The following FGF13 variants were observed in gnomAD, a reference collection of about 807,000 sequenced individuals.
FGF13 encodes fibroblast growth factor homologous factor 2.
In FGF13, 2 loss-of-function variants were observed where a neutral mutation model predicts 19.5. That is an observed-to-expected ratio of 0.10 (90% CI 0.04 to 0.32). FGF13 has a LOEUF of 0.32. Ranked by LOEUF, FGF13 falls within the 10% of genes least tolerant of loss-of-function variation. The pLI is 1.00. For missense variants in FGF13, 113 were observed against 192.7 expected (o/e 0.59, Z 2.45); for synonymous variants, 72 against 76.9 (o/e 0.94, Z 0.33).
In FGF13 at chrX:138,625,474, A is replaced by G. The variant is rs2089050565; in HGVS notation, c.*7376T>C. 1 of 95,981 alleles carries G rather than the reference A, an allele frequency of 1.0e-5. No individual in the cohort carries two copies. Among genetic ancestry groups the G allele is most frequent in the Non-Finnish European group, 2.0e-5 (1 of 49,482 alleles). The allele number at this position is 95,981 out of a possible 1,213,427, so 7.9% of individuals were successfully genotyped here. On this transcript the variant is annotated 3_prime_UTR_variant, in exon 5 of 5. Coordinates refer to ENST00000315930, the MANE Select transcript of FGF13 (RefSeq NM_004114.5). Reference sequence around the variant, plus strand: ...GAAAGAAAATTATATATATATACATATATATATATAATATATATATATACA... The same window carrying G: ...GAAAGAAAATTATATATATATACATGTATATATATAATATATATATATACA...
rs140936203 is a variant in FGF13, at chrX:138,831,495, G to A, written c.217+26017C>T. 3.6e-3 allele frequency among the ~76,000 whole-genome samples: 399 copies of A among 111,587 alleles called. 3 individuals are homozygous for A. The highest frequency in any genetic ancestry group is 0.011 in the African/African-American group (350 of 30,681). ...TCAGTGTATCCAAGAAGTGAGACAT[G>A]GAGTCAAAGGAGATTATTCTCCAGC... is the stretch of plus-strand genomic sequence containing the variant. On this transcript the variant is annotated intron_variant, in intron 3 of 6. Coordinates refer to the FGF13 transcript ENST00000436198.
chrX:138,652,866 A>T (rs1395980625), intron 3 of FGF13, among the ~76,000 whole-genome samples: 2 of 112,198 alleles, frequency 1.8e-5, no homozygotes, highest in East Asian at 5.6e-4. Context: ...ATGGCTAGTA[A>T]ATTTCAAGGA....
chrX:139,006,718 G>C (rs1336231684), intron 1 of FGF13, among the ~76,000 whole-genome samples: 2 of 111,866 alleles, frequency 1.8e-5, no homozygotes, highest in African/African-American at 6.5e-5. Context: ...TAGAATTGTT[G>C]TTACTTTTCT....
At chrX:139,028,582 C>CATGTGTGTGTGT (rs1556339268) in intron 1 of FGF13, among the ~76,000 whole-genome samples, 1 of 61,605 alleles carries the variant, frequency 1.6e-5, no homozygotes, top group Non-Finnish European at 3.2e-5. Context: ...GGAGAGAGAG[C>CATGTGTGTGTGT]GTGTGTGTGT....
intron 3 of FGF13, among the ~76,000 whole-genome samples, chrX:138,841,482 AAG>A (rs1377593720): frequency 9.0e-6 from 1 of 111,187 alleles, no homozygotes; most frequent in Non-Finnish European, 1.9e-5. Flanking sequence ...TATACAAAAT[AAG>A]AGAATTCAGT....
chrX:138,950,539 G>A (rs2066234369), intron 1 of FGF13, among the ~76,000 whole-genome samples: 1 of 111,762 alleles, frequency 8.9e-6, no homozygotes, highest in African/African-American at 3.2e-5. Flanking sequence ...TTTGTTTTAT[G>A]TCAAAGTCCC....
rs936062581 is a variant in FGF13, at chrX:138,622,873, G to A, written c.*9977C>T. The stretch of plus-strand genomic sequence containing the variant: ...TTGACTCTGTAGATCACTTTAGTTA[G>A]TATTAACATTTCTGTAATATTAATT... On this transcript the variant is annotated 3_prime_UTR_variant, in exon 5 of 5. Coordinates refer to ENST00000315930, the MANE Select transcript of FGF13 (RefSeq NM_004114.5). The A allele has an allele frequency of 1.8e-5, 2 of 111,727 alleles. No individual in the cohort carries two copies. The highest frequency in any genetic ancestry group is 1.9e-4 in the Admixed American group (2 of 10,545). 9.2% of individuals were successfully genotyped at this position (111,727 alleles called of 1,213,427 possible).
At chrX:138,704,523 AC>A (rs1311745190) in intron 2 of FGF13, among the ~76,000 whole-genome samples, 1 of 112,259 alleles carries the variant, frequency 8.9e-6, no homozygotes, top group East Asian at 2.8e-4. Context: ...TAAAGGAGTC[AC>A]CCTGTGGGTA....
At chrX:139,034,185 C>T (rs1306506993) in intron 1 of FGF13, among the ~76,000 whole-genome samples, 2 of 111,810 alleles carry the variant, frequency 1.8e-5, no homozygotes, top group Non-Finnish European at 3.8e-5. Context: ...AGTGACAAAA[C>T]CAGCGTCCAC....
Position 138,687,914 on chromosome X carries a change from C to T in FGF13, c.402+15070G>A, listed in dbSNP as rs1379794734. On this transcript the variant is annotated intron_variant, in intron 3 of 4. Transcript: ENST00000315930. ...TAAGCCAGACACAGGGAGACAAATA[C>T]TGCATGTTCTCACTCGCATATGGGA... is the stretch of plus-strand genomic sequence containing the variant. Among the ~76,000 whole-genome samples the T allele has an allele frequency of 4.5e-5, 5 of 110,423 alleles. No individual in the cohort carries two copies. In the Admixed American group the frequency reaches 4.9e-4, roughly 11 times the overall value.
At chrX:138,730,525 G>A (rs1463732117) in intron 1 of FGF13, among the ~76,000 whole-genome samples, 1 of 111,228 alleles carries the variant, frequency 9.0e-6, no homozygotes, top group Non-Finnish European at 1.9e-5. Context: ...TGTTTGTGAA[G>A]TAATAGAATA....
intron 1 of FGF13, among the ~76,000 whole-genome samples, chrX:139,066,398 T>C (rs1239899861): frequency 9.0e-6 from 1 of 110,959 alleles, no homozygotes; most frequent in Non-Finnish European, 1.9e-5. Context: ...CAACAAAATA[T>C]ATAGACCACT....
intron 3 of FGF13, among the ~76,000 whole-genome samples, chrX:138,678,180 G>A (rs1227307934): frequency 9.0e-6 from 1 of 110,567 alleles, no homozygotes. Flanking sequence ...GGACTGTTGT[G>A]GTGTGGGGAG....
At chrX:138,891,650 C>A (rs781432121) in intron 1 of FGF13, among the ~76,000 whole-genome samples, 1 of 111,302 alleles carries the variant, frequency 9.0e-6, no homozygotes, top group Admixed American at 9.6e-5. Context: ...TTGAAGGATA[C>A]AAAGTATTGA....
chrX:139,162,427 C>T (rs1271294015), intron 1 of FGF13, among the ~76,000 whole-genome samples: 1 of 112,274 alleles, frequency 8.9e-6, no homozygotes, highest in East Asian at 2.8e-4. Flanking sequence ...AGACCTAAAA[C>T]CATGAACACC....
intron 3 of FGF13, among the ~76,000 whole-genome samples, chrX:138,756,606 G>T (rs957629380): frequency 8.9e-6 from 1 of 112,472 alleles, no homozygotes; most frequent in African/African-American, 3.2e-5. Context: ...ACTGAAATGG[G>T]GAGCCCTAGA....
intron 2 of FGF13, among the ~76,000 whole-genome samples, chrX:138,708,242 C>A (rs1316639096): frequency 2.7e-5 from 3 of 112,039 alleles, no homozygotes; most frequent in Non-Finnish European, 5.6e-5. Flanking sequence ...TTATGTGTTT[C>A]TTTTTTAGGC....
intron 3 of FGF13, among the ~76,000 whole-genome samples, chrX:138,648,982 T>C (rs1283904918): frequency 8.9e-6 from 1 of 112,268 alleles, no homozygotes; most frequent in African/African-American, 3.2e-5. Flanking sequence ...TTTTACCAGA[T>C]GGCTGGTGAA....
At chrX:139,023,880 G>T (rs2092189446) in intron 1 of FGF13, among the ~76,000 whole-genome samples, 1 of 111,292 alleles carries the variant, frequency 9.0e-6, no homozygotes, top group Non-Finnish European at 1.9e-5. Flanking sequence ...GAGATTTAAT[G>T]TGATTTTTTC....
Sources: allele counts gnomAD v4.1 joint callset (sites outside exome capture counted in the v4.1 genomes callset), GRCh38; gene constraint gnomAD v4.1.1; transcripts MANE v1.5; gene names NCBI Gene and HGNC (gene_info 2026-07-23, HGNC 2026-07-21).